LPP: variants seen among roughly 807,000 people sequenced by gnomAD.
The protein encoded by LPP is LIM domain containing preferred translocation partner in lipoma, also known as lipoma-preferred partner.
Under a neutral mutation model 60.4 loss-of-function variants are expected in LPP, and 38 were observed. The observed-to-expected ratio is 0.63, with a 90% CI of 0.49 to 0.83. The LOEUF (loss-of-function observed/expected upper bound fraction) is 0.83, where lower values mean the gene tolerates loss of function less well. Among genes scored for constraint, LPP ranks in the 40% least tolerant of loss-of-function variants. LPP has a pLI of 0.00. For synonymous variants in LPP, 328 were observed against 290.8 expected, an observed-to-expected ratio of 1.13 and a Z score of -1.30; for missense variants, 902 against 783.6, an observed-to-expected ratio of 1.15 and a Z score of -1.80.
chr3:188,877,764 G>A lies in LPP; in HGVS notation c.*3285G>A, dbSNP rs892535636. ...TAAAAAAACAAATAAATAAATAATC[G>A]ACTCAAAAATAAGTCATGTGTCCCA... On this transcript the variant is annotated 3_prime_UTR_variant, in exon 12 of 12. Transcript: ENST00000617246. The A allele has an allele frequency of 4.3e-5, 9 of 208,166 alleles. No individual in the cohort carries two copies. The South Asian group carries it at 5.6e-4, about 13-fold the overall frequency. 12.9% of individuals were successfully genotyped at this position (208,166 alleles called of 1,614,324 possible). A position where few individuals can be genotyped will look rare whatever the true frequency, so the allele number is the denominator to read the frequency against.
intron 2 of LPP, among the ~76,000 whole-genome samples, chr3:188,235,651 A>C (rs1000440006): frequency 3.3e-5 from 5 of 152,186 alleles, no homozygotes; most frequent in Non-Finnish European, 7.3e-5. Context: ...TCCACTTAGC[A>C]TTATTGAAGG....
chr3:188,730,913 A>AT (rs1242666983), intron 8 of LPP, among the ~76,000 whole-genome samples: 5 of 151,958 alleles, frequency 3.3e-5, no homozygotes, highest in South Asian at 4.2e-4. Context: ...ACCTCTGACC[A>AT]TTTTTTTCAT....
intron 7 of LPP, among the ~76,000 whole-genome samples, chr3:188,648,148 C>T (rs552644746): frequency 6.6e-6 from 1 of 152,224 alleles, no homozygotes; most frequent in East Asian, 1.9e-4. Flanking sequence ...TATAGTAGTA[C>T]TTTAGTTGAC....
intron 6 of LPP, among the ~76,000 whole-genome samples, chr3:188,601,943 C>T (rs1841277609): frequency 6.6e-6 from 1 of 151,072 alleles, no homozygotes; most frequent in Non-Finnish European, 1.5e-5. Flanking sequence ...TGGTGGGTGC[C>T]TATAATCCCA....
intron 9 of LPP, among the ~76,000 whole-genome samples, chr3:188,826,862 C>T (rs1254206357): frequency 3.3e-5 from 5 of 151,996 alleles, no homozygotes; most frequent in Non-Finnish European, 1.5e-5. Context: ...TGCCTTATCT[C>T]TACTACTTGA....
At chr3:188,491,040 G>A (rs1245519785) in intron 5 of LPP, among the ~76,000 whole-genome samples, 2 of 151,958 alleles carry the variant, frequency 1.3e-5, no homozygotes, top group Admixed American at 6.6e-5. Context: ...GATTACAGGC[G>A]TGAGCCACCG....
chr3:188,504,314 T>C (rs1812824837), intron 5 of LPP, among the ~76,000 whole-genome samples: 1 of 152,152 alleles, frequency 6.6e-6, no homozygotes, highest in African/African-American at 2.4e-5. Context: ...TATTCCCATT[T>C]TATTCATGCA....
At chr3:188,518,293 T>C (rs1388629335) in intron 5 of LPP, among the ~76,000 whole-genome samples, 3 of 152,026 alleles carry the variant, frequency 2.0e-5, no homozygotes, top group Non-Finnish European at 4.4e-5. Flanking sequence ...TTACTGACCA[T>C]AATAGAAAAA....
At chr3:188,768,047 T>C (rs1734710470) in intron 9 of LPP, among the ~76,000 whole-genome samples, 1 of 152,084 alleles carries the variant, frequency 6.6e-6, no homozygotes. Flanking sequence ...TCAGCATAGA[T>C]ACAGATGACA....
intron 2 of LPP, among the ~76,000 whole-genome samples, chr3:188,280,337 G>A (rs933185350): frequency 6.6e-6 from 1 of 152,170 alleles, no homozygotes; most frequent in East Asian, 1.9e-4. Flanking sequence ...ACATCATTAG[G>A]AAGAAATTGA....
At chr3:188,661,626 A>G (rs1025250612) in intron 7 of LPP, among the ~76,000 whole-genome samples, 2 of 152,046 alleles carry the variant, frequency 1.3e-5, no homozygotes, top group African/African-American at 4.8e-5. Flanking sequence ...CCCATTTTTA[A>G]TGGTTGTTTT....
rs192809152 is a variant in LPP, at chr3:188,785,602, A to T, written c.1410+25320A>T. Among the ~76,000 whole-genome samples, 134 of 145,814 alleles carry T rather than the reference A, an allele frequency of 9.2e-4. 3 individuals carry two copies. The highest frequency in any genetic ancestry group is 3.3e-3 in the African/African-American group (129 of 39,278). On this transcript the variant is annotated intron_variant, in intron 9 of 11. Transcript: ENST00000617246. ...CCCACACATCCCAGTTTCTTTATCC[A>T]CTTGTTGATTGATGGGCATTTGGGT...
intron 9 of LPP, among the ~76,000 whole-genome samples, chr3:188,796,743 A>G (rs1188792751): frequency 6.6e-6 from 1 of 152,220 alleles, no homozygotes; most frequent in Non-Finnish European, 1.5e-5. Context: ...GATTTGAACC[A>G]TATTTCTTCT....
At position 188,883,605 on chromosome 3, in the gene LPP, C is replaced by T. The variant is rs553025745; in HGVS notation, c.*9126C>T. ...AAAATTAGCCGGGCGTGTTGGCGGG[C>T]GCCTGTAGTCCCAACTACTTGGGAG... On this transcript the variant is annotated 3_prime_UTR_variant, in exon 12 of 12. Transcript: ENST00000617246. 148 of 179,842 alleles carry T rather than the reference C, an allele frequency of 8.2e-4. No homozygotes were observed. The highest frequency in any genetic ancestry group is 3.2e-3 in the African/African-American group (135 of 42,350). 11.1% of individuals were successfully genotyped at this position (179,842 alleles called of 1,614,324 possible).
chr3:188,714,537 G>GT (rs955828845), intron 8 of LPP, among the ~76,000 whole-genome samples: 2 of 151,222 alleles, frequency 1.3e-5, no homozygotes, highest in African/African-American at 2.4e-5. Context: ...TTCAAGTCAG[G>GT]TTTTTTTATA....
intron 9 of LPP, among the ~76,000 whole-genome samples, chr3:188,859,816 T>G (rs1175850501): frequency 1.3e-5 from 2 of 152,202 alleles, no homozygotes; most frequent in Non-Finnish European, 2.9e-5. Context: ...GGGGGGTGTG[T>G]CATGACATCA....
chr3:188,452,680 T>C (rs1239602994), intron 4 of LPP, among the ~76,000 whole-genome samples: 4 of 152,170 alleles, frequency 2.6e-5, no homozygotes, highest in African/African-American at 9.7e-5. Context: ...GAAGAATGAC[T>C]GGTGTTGACA....
At chr3:188,569,225 A>G (rs903035344) in intron 6 of LPP, 4 of 151,948 alleles carry the variant, frequency 2.6e-5, no homozygotes, top group African/African-American at 9.7e-5. Flanking sequence ...ATTCGGTGCA[A>G]TGCAATGACT....
At chr3:188,594,312 A>G (rs959535254) in intron 6 of LPP, among the ~76,000 whole-genome samples, 1 of 152,184 alleles carries the variant, frequency 6.6e-6, no homozygotes, top group Non-Finnish European at 1.5e-5. Flanking sequence ...GCCTAAAGCA[A>G]TTCAGCAGTT....
Sources: allele counts gnomAD v4.1 joint callset (sites outside exome capture counted in the v4.1 genomes callset), GRCh38; gene constraint gnomAD v4.1.1; transcripts MANE v1.5; gene names NCBI Gene and HGNC (gene_info 2026-07-23, HGNC 2026-07-21).